The following ARMH3 variants were observed in gnomAD, a reference collection of about 807,000 sequenced individuals.
ARMH3 encodes the protein armadillo-like helical domain-containing protein 3.
In ARMH3, 60 loss-of-function variants were observed where a neutral mutation model predicts 99.1. The observed-to-expected ratio is 0.61, with a 90% CI of 0.49 to 0.75. The LOEUF is 0.75. ARMH3 is among the 30% of genes least tolerant of loss of function. ARMH3 has a pLI of 0.00. For missense variants in ARMH3, 679 were observed against 843.1 expected, an observed-to-expected ratio of 0.81 and a Z score of 2.41; for synonymous variants, 285 against 292.8, an observed-to-expected ratio of 0.97 and a Z score of 0.27.
intron 1 of ARMH3, among the ~76,000 whole-genome samples, chr10:102,045,341 T>C (rs1409985116): frequency 1.3e-5 from 2 of 151,826 alleles, no homozygotes; most frequent in East Asian, 1.9e-4. Context: ...AGACAACAAA[T>C]AAGATAAACT....
At chr10:101,891,355 C>A (rs1000286807) in intron 23 of ARMH3, among the ~76,000 whole-genome samples, 1 of 152,078 alleles carries the variant, frequency 6.6e-6, no homozygotes, top group Admixed American at 6.5e-5. Flanking sequence ...GCCACCATGA[C>A]CAGCTAATTT....
At chr10:101,984,666 G>C (rs139056072) in intron 19 of ARMH3, among the ~76,000 whole-genome samples, 2 of 152,090 alleles carry the variant, frequency 1.3e-5, no homozygotes, top group African/African-American at 4.8e-5. Context: ...TTCTGTTCCT[G>C]TCTCCACAGT....
intron 24 of ARMH3, among the ~76,000 whole-genome samples, chr10:101,882,766 G>C (rs1240233616): frequency 6.6e-6 from 1 of 152,084 alleles, no homozygotes; most frequent in African/African-American, 2.4e-5. Context: ...CAAAGTGCTG[G>C]GATTACAGGC....
At chr10:102,022,661 A>G (rs1276685734) in intron 8 of ARMH3, among the ~76,000 whole-genome samples, 2 of 147,812 alleles carry the variant, frequency 1.4e-5, no homozygotes, top group African/African-American at 2.5e-5. Flanking sequence ...GCTCACTACA[A>G]ACTCCGCCTC....
At chr10:101,972,750 A>T (rs2135909076) in intron 20 of ARMH3, among the ~76,000 whole-genome samples, 1 of 152,314 alleles carries the variant, frequency 6.6e-6, no homozygotes. Flanking sequence ...CACCCAGCCT[A>T]TACAGGAAAA....
chr10:101,856,345 A>G (rs1251973766), intron 24 of ARMH3, among the ~76,000 whole-genome samples: 1 of 152,198 alleles, frequency 6.6e-6, no homozygotes, highest in African/African-American at 2.4e-5. Flanking sequence ...TTTAGATGGA[A>G]GCTTGAAATT....
chr10:101,872,670 A>G (rs2067158677), intron 24 of ARMH3, among the ~76,000 whole-genome samples: 1 of 152,066 alleles, frequency 6.6e-6, no homozygotes, highest in East Asian at 1.9e-4. Flanking sequence ...AAAAGTTGTA[A>G]TAAGTGGCTG....
intron 1 of ARMH3, among the ~76,000 whole-genome samples, chr10:102,053,729 G>A (rs570700577): frequency 4.7e-4 from 71 of 150,366 alleles, no homozygotes; most frequent in Admixed American, 1.2e-3. Flanking sequence ...GCACCATCCC[G>A]GCTCACTGCA....
intron 8 of ARMH3, among the ~76,000 whole-genome samples, chr10:102,020,126 A>G (rs2066847310): frequency 6.6e-6 from 1 of 152,200 alleles, no homozygotes; most frequent in African/African-American, 2.4e-5. Context: ...AGAGTTAAAA[A>G]GCTTTAAAAA....
intron 14 of ARMH3, among the ~76,000 whole-genome samples, chr10:102,003,809 G>C (rs558135545): frequency 1.3e-5 from 2 of 152,286 alleles, no homozygotes; most frequent in Admixed American, 1.3e-4. Flanking sequence ...AAAGAAATCA[G>C]CATGCCCAAC....
At position 101,957,681 on chromosome 10, in the gene ARMH3, G is replaced by A. The variant is rs1227610491; in HGVS notation, c.1547C>T (p.Ala516Val). ...FLMSNETVLLAKHNIFTLALM... is the reference protein window; with the variant it reads ...FLMSNETVLLVKHNIFTLALM... ...GGCTAATGTAAAAATGTTGTGTTTG[G>A]CCAAAAGTACAGTCTCATTTGACAT... The change falls in exon 21 of 26, where the codon GCC becomes GTC. Residue 516 changes from alanine to valine, a missense_variant. Coordinates refer to ENST00000370033, the MANE Select transcript of ARMH3 (RefSeq NM_024541.3). 1 of 1,608,860 alleles carries A rather than the reference G, an allele frequency of 6.2e-7. No homozygotes were observed. The highest frequency in any genetic ancestry group is 8.5e-7 in the Non-Finnish European group (1 of 1,178,644).
intron 15 of ARMH3, among the ~76,000 whole-genome samples, chr10:101,995,837 C>A (rs1465105913): frequency 2.6e-5 from 4 of 152,200 alleles, no homozygotes; most frequent in Non-Finnish European, 4.4e-5. Flanking sequence ...GTCCAGCCCA[C>A]GCTTCTCCTT....
chr10:101,925,171 A>G (rs1031707614), intron 23 of ARMH3, among the ~76,000 whole-genome samples: 2 of 152,354 alleles, frequency 1.3e-5, no homozygotes, highest in African/African-American at 4.8e-5. Flanking sequence ...CTATGAACCA[A>G]CAATGTGATT....
chr10:102,031,443 T>C (rs1210296288), intron 4 of ARMH3, among the ~76,000 whole-genome samples: 4 of 152,320 alleles, frequency 2.6e-5, no homozygotes, highest in African/African-American at 9.6e-5. Context: ...AATAAAACAG[T>C]CTACAATTCA....
Position 101,974,301 on chromosome 10 carries a change from G to A in ARMH3, c.1495+911C>T, listed in dbSNP as rs77921440. ...CACAACGAATGAGATGAATTCCATGGAAGGGGGCTGGGTTACTGGCCTGTT... is the reference window on the plus strand; with the variant it reads ...CACAACGAATGAGATGAATTCCATGAAAGGGGGCTGGGTTACTGGCCTGTT... On this transcript the variant is annotated intron_variant, in intron 20 of 25. Transcript: ENST00000370033. 7.3e-3 allele frequency among the ~76,000 whole-genome samples: 1,107 copies of A among 152,328 alleles called. 11 individuals carry two copies. Among genetic ancestry groups the A allele is most frequent in the African/African-American group, 0.025 (1,054 of 41,562 alleles).
intron 20 of ARMH3, among the ~76,000 whole-genome samples, chr10:101,963,490 C>T (rs1204828736): frequency 6.6e-6 from 1 of 152,056 alleles, no homozygotes; most frequent in Non-Finnish European, 1.5e-5. Context: ...AGGCTGGTCT[C>T]GAACTCTTGA....
intron 19 of ARMH3, among the ~76,000 whole-genome samples, chr10:101,979,920 A>G (rs1846157136): frequency 6.6e-6 from 1 of 152,208 alleles, no homozygotes. Context: ...TAGTGTATAG[A>G]GGTTTCTAAA....
intron 22 of ARMH3, among the ~76,000 whole-genome samples, chr10:101,954,123 T>C (rs56091617): frequency 0.087 from 13,241 of 151,984 alleles, 750 homozygotes; most frequent in Middle Eastern, 0.22. Flanking sequence ...GCTCAGGAGG[T>C]AAAAGCTCCA....
Position 102,034,632 on chromosome 10 carries a change from T to C in ARMH3, c.103-1293A>G, listed in dbSNP as rs570918328. ...GCCTGGGCCACAGAGCGAGACTCCATCTCAAAAAAAAAAAAGAAAAAAAAG... is the reference window on the plus strand; with the variant it reads ...GCCTGGGCCACAGAGCGAGACTCCACCTCAAAAAAAAAAAAGAAAAAAAAG... On this transcript the variant is annotated intron_variant, in intron 2 of 25. Transcript: ENST00000370033. Among the ~76,000 whole-genome samples, 374 of 138,246 alleles carry C rather than the reference T, an allele frequency of 2.7e-3. 2 individuals carry two copies. Among genetic ancestry groups the C allele is most frequent in the African/African-American group, 9.9e-3 (360 of 36,312 alleles). 90.7% of individuals were successfully genotyped at this position (138,246 alleles called of 152,430 possible). A position where few individuals can be genotyped will look rare whatever the true frequency, so the allele number is the denominator to read the frequency against.
Sources: allele counts gnomAD v4.1 joint callset (sites outside exome capture counted in the v4.1 genomes callset), GRCh38; gene constraint gnomAD v4.1.1; transcripts MANE v1.5; gene names NCBI Gene and HGNC (gene_info 2026-07-23, HGNC 2026-07-21).